Variants in ATE1 observed in about 807,000 individuals in gnomAD.
ATE1 encodes arginyl-tRNA--protein transferase 1.
ATE1 carries 36 observed loss-of-function variants against 70.5 expected under a neutral mutation model. The ratio of observed to expected loss-of-function variants is 0.51; its 90% CI spans 0.39 to 0.67. ATE1 has a LOEUF of 0.67. Among genes scored for constraint, ATE1 ranks in the 30% least tolerant of loss-of-function variants. ATE1 has a pLI of 0.00. For missense variants in ATE1, 593 were observed against 629.5 expected (o/e 0.94, Z 0.62); for synonymous variants, 232 against 219.3 (o/e 1.06, Z -0.51).
chr10:121,824,328 G>C (rs1368603388), intron 10 of ATE1, among the ~76,000 whole-genome samples: 1 of 152,172 alleles, frequency 6.6e-6, no homozygotes, highest in Non-Finnish European at 1.5e-5. Flanking sequence ...GTGTCCACAT[G>C]CATCACCCCG....
chr10:121,755,210 G>A (rs1314726561), intron 11 of ATE1, among the ~76,000 whole-genome samples: 1 of 152,206 alleles, frequency 6.6e-6, no homozygotes. Flanking sequence ...TGTAACACTT[G>A]TACAGGGTGT....
At chr10:121,891,455 G>T (rs1262814572) in intron 7 of ATE1, among the ~76,000 whole-genome samples, 1 of 152,130 alleles carries the variant, frequency 6.6e-6, no homozygotes, top group African/African-American at 2.4e-5. Flanking sequence ...ACAGCTGCCT[G>T]CATTTACATA....
At chr10:121,890,760 T>A (rs1316847618) in intron 7 of ATE1, among the ~76,000 whole-genome samples, 1 of 152,168 alleles carries the variant, frequency 6.6e-6, no homozygotes, top group Non-Finnish European at 1.5e-5. Context: ...TTCTATCACA[T>A]AGAATTACTG....
chr10:121,846,817 G>A (rs1948843872), intron 8 of ATE1: 1 of 152,102 alleles, frequency 6.6e-6, no homozygotes. Flanking sequence ...ACCAGTTTTA[G>A]TATTCACTGT....
chr10:121,921,792 G>A (rs992974653), intron 3 of ATE1, among the ~76,000 whole-genome samples: 2 of 152,166 alleles, frequency 1.3e-5, no homozygotes, highest in African/African-American at 4.8e-5. Context: ...TCTGTGAACT[G>A]TGTATAAAAG....
At chr10:121,829,210 G>A (rs1414289703) in intron 10 of ATE1, among the ~76,000 whole-genome samples, 2 of 152,052 alleles carry the variant, frequency 1.3e-5, no homozygotes, top group African/African-American at 4.8e-5. Flanking sequence ...AGAGCACAAG[G>A]TCAAGAGATC....
chr10:121,895,581 T>A lies in ATE1; in HGVS notation c.942+4285A>T, dbSNP rs550545354. 5.9e-5 allele frequency among the ~76,000 whole-genome samples: 9 copies of A among 151,696 alleles called. No individual in the cohort carries two copies. In the East Asian group the frequency reaches 1.8e-3, roughly 30 times the overall value. On this transcript the variant is annotated intron_variant, in intron 7 of 11. Coordinates refer to ENST00000224652, the MANE Select transcript of ATE1 (RefSeq NM_001001976.3). Reference sequence around the variant, plus strand: ...GTGAGCAGAGATCACGCCATCGCACTCCAGCCTGGTTGACAAGAGCGAAAC... The same window carrying A: ...GTGAGCAGAGATCACGCCATCGCACACCAGCCTGGTTGACAAGAGCGAAAC...
intron 8 of ATE1, among the ~76,000 whole-genome samples, chr10:121,856,649 G>A (rs865784481): frequency 1.3e-5 from 2 of 152,172 alleles, no homozygotes; most frequent in South Asian, 4.1e-4. Context: ...TTTTCCTATT[G>A]TTTACACTAT....
intron 8 of ATE1, among the ~76,000 whole-genome samples, chr10:121,859,919 C>T (rs147141649): frequency 5.5e-4 from 83 of 152,102 alleles, no homozygotes; most frequent in African/African-American, 1.8e-3. Flanking sequence ...GCAGACTGGG[C>T]GACACAGTGA....
intron 11 of ATE1, among the ~76,000 whole-genome samples, chr10:121,759,023 C>G (rs931954830): frequency 6.6e-5 from 10 of 152,118 alleles, no homozygotes; most frequent in Non-Finnish European, 1.5e-4. Context: ...CCCTAAAAGG[C>G]CTCTAAGTGT....
chr10:121,786,165 T>C (rs10886985), intron 11 of ATE1, among the ~76,000 whole-genome samples: 5 of 148,130 alleles, frequency 3.4e-5, no homozygotes, highest in African/African-American at 7.5e-5. Flanking sequence ...GGGGGAATCA[T>C]AGGATAGTGC....
chr10:121,756,005 C>T (rs1186066780), intron 11 of ATE1, among the ~76,000 whole-genome samples: 1 of 152,156 alleles, frequency 6.6e-6, no homozygotes, highest in Non-Finnish European at 1.5e-5. Flanking sequence ...TCCAAAGTCT[C>T]GTCTGAGACA....
intron 11 of ATE1, among the ~76,000 whole-genome samples, chr10:121,746,687 G>A (rs1944385988): frequency 6.6e-6 from 1 of 151,636 alleles, no homozygotes; most frequent in African/African-American, 2.4e-5. Context: ...TTTACTGGAT[G>A]TCCACTTCAT....
chr10:121,865,027 T>C (rs961218843), intron 8 of ATE1, among the ~76,000 whole-genome samples: 1 of 152,202 alleles, frequency 6.6e-6, no homozygotes, highest in East Asian at 1.9e-4. Flanking sequence ...TTCTTTCAAA[T>C]ACTATCATAT....
chr10:121,922,155 A>C (rs1951906947), intron 3 of ATE1, among the ~76,000 whole-genome samples, 194 bp downstream of exon 3: 1 of 152,222 alleles, frequency 6.6e-6, no homozygotes, highest in Non-Finnish European at 1.5e-5. Context: ...CCAATCAAAC[A>C]ATATTACTAA....
intron 10 of ATE1, among the ~76,000 whole-genome samples, chr10:121,810,820 G>A (rs1322973958): frequency 2.0e-5 from 3 of 151,622 alleles, no homozygotes; most frequent in East Asian, 1.9e-4. Flanking sequence ...CTCCTGTCTC[G>A]GCCTCCTGAG....
intron 8 of ATE1, among the ~76,000 whole-genome samples, chr10:121,869,519 T>A (rs1381229230): frequency 3.3e-5 from 5 of 152,224 alleles, no homozygotes; most frequent in Admixed American, 6.5e-5. Context: ...ACCCAGAATA[T>A]TGCCTTGCTA....
chr10:121,885,221 A>G (rs1364238306), intron 7 of ATE1, among the ~76,000 whole-genome samples: 5 of 137,588 alleles, frequency 3.6e-5, no homozygotes, highest in African/African-American at 1.4e-4. Flanking sequence ...AGATCATGCC[A>G]TTACATTCCA....
intron 11 of ATE1, among the ~76,000 whole-genome samples, chr10:121,762,227 T>G (rs960129569): frequency 6.6e-6 from 1 of 152,238 alleles, no homozygotes; most frequent in Admixed American, 6.5e-5. Flanking sequence ...CCTTTTTCAT[T>G]GACTGACTTC....
Sources: gnomAD v4.1 joint callset for allele counts (sites outside exome capture counted in the v4.1 genomes callset) on GRCh38, gnomAD v4.1.1 for gene constraint, MANE v1.5 for transcripts, NCBI Gene and HGNC (gene_info 2026-07-23, HGNC 2026-07-21) for gene names.